Variants in ARB2A observed in about 807,000 individuals in gnomAD.
ARB2A encodes ARB2 cotranscriptional regulator A.
chr5:93,812,283 T>C, the ARB2A span, among the ~76,000 whole-genome samples: 3 of 152,124 alleles, frequency 2.0e-5, no homozygotes, highest in East Asian at 5.8e-4. Flanking sequence ...CAATGATAAT[T>C]GGAACAGGAT....
At chr5:93,847,988 CA>C in the ARB2A span, among the ~76,000 whole-genome samples, 1 of 152,216 alleles carries the variant, frequency 6.6e-6, no homozygotes, top group African/African-American at 2.4e-5. Flanking sequence ...TTATTTAAAA[CA>C]GTCTGAAGAC....
chr5:93,781,174 C>G, the ARB2A span, among the ~76,000 whole-genome samples: 1 of 152,108 alleles, frequency 6.6e-6, no homozygotes, highest in Non-Finnish European at 1.5e-5. Flanking sequence ...CCACCTTCCA[C>G]CTTTTGGAGT....
At chr5:93,844,529 A>AAT in the ARB2A span, among the ~76,000 whole-genome samples, 1 of 152,202 alleles carries the variant, frequency 6.6e-6, no homozygotes, top group African/African-American at 2.4e-5. Flanking sequence ...ATGTAACATA[A>AAT]ATGCAGAAAG....
chr5:94,050,754 T>C, the ARB2A span: 3 of 1,611,110 alleles, frequency 1.9e-6, no homozygotes, highest in South Asian at 1.1e-5. Flanking sequence ...TCGTATCTTT[T>C]CTGGTTCCAT....
At chr5:94,046,767 A>G in the ARB2A span, among the ~76,000 whole-genome samples, 1 of 152,190 alleles carries the variant, frequency 6.6e-6, no homozygotes, top group Non-Finnish European at 1.5e-5. Context: ...TTCTGCACAC[A>G]GCAAACAACT....
chr5:93,824,307 T>A, the ARB2A span: 1 of 1,425,524 alleles, frequency 7.0e-7, no homozygotes, highest in East Asian at 2.5e-5. Context: ...ATATTATACC[T>A]AATTATTATC....
At chr5:94,095,163 G>C in the ARB2A span, among the ~76,000 whole-genome samples, 2,134 of 152,220 alleles carry the variant, frequency 0.014, 53 homozygotes, top group African/African-American at 0.048. Flanking sequence ...GATATCACTT[G>C]ACCAAAAGCC....
chr5:94,092,827 A>T, the ARB2A span, among the ~76,000 whole-genome samples: 1 of 152,118 alleles, frequency 6.6e-6, no homozygotes, highest in Non-Finnish European at 1.5e-5. Context: ...TTTTATACCT[A>T]ATTGAAACAT....
the ARB2A span, among the ~76,000 whole-genome samples, chr5:93,702,854 TTTAA>T: frequency 6.6e-6 from 1 of 152,258 alleles, no homozygotes; most frequent in Non-Finnish European, 1.5e-5. Flanking sequence ...AGTTTCATTA[TTTAA>T]TTATTAATCC....
chr5:93,818,255 A>G, the ARB2A span, among the ~76,000 whole-genome samples: 2 of 152,186 alleles, frequency 1.3e-5, no homozygotes, highest in African/African-American at 4.8e-5. Flanking sequence ...GATTGTAAGT[A>G]TGGGGAGAAA....
chr5:93,846,378 T>TGTA, the ARB2A span, among the ~76,000 whole-genome samples: 2 of 151,046 alleles, frequency 1.3e-5, no homozygotes, highest in Non-Finnish European at 2.9e-5. Context: ...GGCATGTGCC[T>TGTA]GTAGTCTTTG....
chr5:93,918,890 T>C, the ARB2A span, among the ~76,000 whole-genome samples: 57 of 152,316 alleles, frequency 3.7e-4, no homozygotes, highest in Middle Eastern at 0.01. Context: ...TGCTTTAAAA[T>C]ACACTTATTC....
the ARB2A span, among the ~76,000 whole-genome samples, chr5:93,850,900 A>G: frequency 6.6e-6 from 1 of 152,140 alleles, no homozygotes; most frequent in Non-Finnish European, 1.5e-5. Flanking sequence ...AATCTCCAAT[A>G]TTTACAAGCA....
the ARB2A span, among the ~76,000 whole-genome samples, chr5:93,852,720 C>T: frequency 6.6e-6 from 1 of 152,044 alleles, no homozygotes; most frequent in Non-Finnish European, 1.5e-5. Flanking sequence ...GAATCCTTTC[C>T]CTATTGCTTG....
At chr5:93,926,645 G>A in the ARB2A span, among the ~76,000 whole-genome samples, 1 of 151,960 alleles carries the variant, frequency 6.6e-6, no homozygotes, top group African/African-American at 2.4e-5. Flanking sequence ...TGGTGGATGC[G>A]ATAAAATGCA....
the ARB2A span, among the ~76,000 whole-genome samples, chr5:93,922,656 GAGGGAGGA>G: frequency 2.3e-5 from 2 of 85,234 alleles, no homozygotes; most frequent in African/African-American, 9.0e-5. Flanking sequence ...GGGAGGGAGG[GAGGGAGGA>G]AGGGAGGGAG....
At chr5:94,027,283 C>G in the ARB2A span, among the ~76,000 whole-genome samples, 1 of 152,184 alleles carries the variant, frequency 6.6e-6, no homozygotes, top group African/African-American at 2.4e-5. Context: ...TACCTGATGT[C>G]TTTTTGTATG....
the ARB2A span, among the ~76,000 whole-genome samples, chr5:93,666,053 A>G: frequency 6.6e-6 from 1 of 152,216 alleles, no homozygotes; most frequent in Non-Finnish European, 1.5e-5. Context: ...TGGCAGCCAC[A>G]AAGGACTAGA....
the ARB2A span, among the ~76,000 whole-genome samples, chr5:93,692,289 G>A: frequency 8.5e-5 from 13 of 152,244 alleles, no homozygotes; most frequent in East Asian, 5.8e-4. Flanking sequence ...CCCATCTCAC[G>A]TGCAAAGTCA....
Sources: gnomAD v4.1 joint callset for allele counts (sites outside exome capture counted in the v4.1 genomes callset) on GRCh38, gnomAD v4.1.1 for gene constraint, MANE v1.5 for transcripts, NCBI Gene and HGNC (gene_info 2026-07-23, HGNC 2026-07-21) for gene names.